The following SSBP1 variants were observed in gnomAD, a reference collection of about 807,000 sequenced individuals.
SSBP1 encodes the protein single-stranded DNA-binding protein, mitochondrial.
In SSBP1, 20 loss-of-function variants were observed where a neutral mutation model predicts 27.0. That is an observed-to-expected ratio of 0.74 (90% confidence interval 0.52 to 1.08). SSBP1 has a LOEUF of 1.08. SSBP1 is among the 50% of genes least tolerant of loss of function. The pLI, the probability that SSBP1 is intolerant of heterozygous loss-of-function variation, is 0.00. For synonymous variants in SSBP1, 59 were observed against 59.3 expected (o/e 1.00, Z 0.02); for missense variants, 137 against 182.4 (o/e 0.75, Z 1.44).
chr7:141,739,345 C>T (rs944582122), intron 2 of SSBP1, 155 bp downstream of exon 2: 22 of 508,954 alleles, frequency 4.3e-5, no homozygotes, highest in Middle Eastern at 5.8e-4. Flanking sequence ...GACGATTTTG[C>T]CAGTGTAAAT....
Position 141,739,156 on chromosome 7 carries a change from A to G in SSBP1, c.-11A>G, listed in dbSNP as rs372813382. The G allele has an allele frequency of 7.3e-5, 116 of 1,595,076 alleles. No individual in the cohort carries two copies. The African/African-American group carries it at 1.4e-3, about 19-fold the overall frequency. On this transcript the variant is annotated 5_prime_UTR_variant, in exon 2 of 7. Transcript: ENST00000265304. Reference sequence around the variant, plus strand: ...CTAAAGATTAGACTGTAAGAAAAGAAAATAGAAGCCATGTTTCGAAGACCT... The same window carrying G: ...CTAAAGATTAGACTGTAAGAAAAGAGAATAGAAGCCATGTTTCGAAGACCT...
intron 6 of SSBP1, among the ~76,000 whole-genome samples, chr7:141,748,845 C>T (rs2117197028): frequency 6.6e-6 from 1 of 152,254 alleles, no homozygotes; most frequent in African/African-American, 2.4e-5. Context: ...AAAACCACCA[C>T]CAGTGGATGG....
intron 6 of SSBP1, among the ~76,000 whole-genome samples, chr7:141,750,084 A>G (rs913719231): frequency 7.2e-5 from 11 of 152,220 alleles, no homozygotes; most frequent in African/African-American, 2.7e-4. Context: ...CACCTCTTCT[A>G]ACAAGATCTG....
At chr7:141,740,959 T>C (rs1294587651) in intron 2 of SSBP1, 1 of 152,226 alleles carries the variant, frequency 6.6e-6, no homozygotes, top group Non-Finnish European at 1.5e-5. Context: ...GAAGGCAGTT[T>C]CATAGACACA....
chr7:141,742,631 ATCTT>A (rs1198315501), intron 3 of SSBP1, among the ~76,000 whole-genome samples: 24 of 151,460 alleles, frequency 1.6e-4, no homozygotes, highest in Admixed American at 4.6e-4. Flanking sequence ...TAAAAAAGAT[ATCTT>A]AAAGAATTTA....
intron 3 of SSBP1, among the ~76,000 whole-genome samples, chr7:141,742,863 C>CTT (rs112265951): frequency 1.3e-5 from 2 of 151,598 alleles, no homozygotes; most frequent in Non-Finnish European, 2.9e-5. Flanking sequence ...GTGTGGATTT[C>CTT]TTTTTTTTTG....
rs112531738 is a variant in SSBP1, at chr7:141,741,476, A to G, written c.25-693A>G. On this transcript the variant is annotated intron_variant, in intron 2 of 6. Transcript: ENST00000265304. ...TGCCTGAGAGTAAGGCTTTGCATTT[A>G]TTCCACACCTCCTGACACTTGTTTG... The G allele has an allele frequency of 9.3e-3, 1,412 of 152,318 alleles. 20 individuals carry two copies. Among genetic ancestry groups the G allele is most frequent in the Non-Finnish European group, 0.012 (848 of 68,054 alleles). 9.4% of individuals were successfully genotyped at this position (152,318 alleles called of 1,614,324 possible).
chr7:141,742,452 A>G (rs1000379940), intron 3 of SSBP1, among the ~76,000 whole-genome samples: 1 of 152,154 alleles, frequency 6.6e-6, no homozygotes, highest in African/African-American at 2.4e-5. Flanking sequence ...TCTTGTCAAC[A>G]CTGTCCTGCA....
intron 6 of SSBP1, among the ~76,000 whole-genome samples, chr7:141,747,007 A>G (rs1296702187): frequency 1.3e-5 from 2 of 152,136 alleles, no homozygotes; most frequent in Non-Finnish European, 2.9e-5. Flanking sequence ...AGTATATGGT[A>G]TAGTTAAGAA....
In SSBP1 at chr7:141,745,597, T is replaced by C. The variant is rs1314887246; in HGVS notation, c.403+13T>C. On this transcript the variant is annotated intron_variant, in intron 6 of 6. Coordinates refer to ENST00000265304, the MANE Select transcript of SSBP1 (RefSeq NM_003143.3). ...ACAATCATAGCTGGTAAGAAGCTTGTGAAAATAGCTGTTTTTTTCTTTTTC... is the reference window on the plus strand; with the variant it reads ...ACAATCATAGCTGGTAAGAAGCTTGCGAAAATAGCTGTTTTTTTCTTTTTC... 1 of 1,612,810 alleles carries C rather than the reference T, an allele frequency of 6.2e-7. No individual in the cohort carries two copies. The highest frequency in any genetic ancestry group is 1.3e-5 in the African/African-American group (1 of 74,932).
intron 5 of SSBP1, 107 bp from the exon 6 acceptor site, chr7:141,745,389 T>G: frequency 1.1e-6 from 1 of 922,756 alleles, no homozygotes. Context: ...TTAGCTTATA[T>G]ATGATTATAT....
intron 6 of SSBP1, chr7:141,745,944 C>G: frequency 9.9e-7 from 1 of 1,014,038 alleles, no homozygotes. Context: ...AAGAATTACA[C>G]TAATGTGAGT....
chr7:141,745,469 A>G, intron 5 of SSBP1, 27 bp from the exon 6 acceptor site: 2 of 1,566,670 alleles, frequency 1.3e-6, no homozygotes, highest in Non-Finnish European at 1.7e-6. Flanking sequence ...GATCTCAACT[A>G]AAAACTGTAC....
At position 141,750,298 on chromosome 7, in the gene SSBP1, G is replaced by T. The variant is rs754071066; in HGVS notation, c.404-13G>T. On this transcript the variant is annotated splice_polypyrimidine_tract_variant and intron_variant, in intron 6 of 6. Coordinates refer to ENST00000265304, the MANE Select transcript of SSBP1 (RefSeq NM_003143.3). The stretch of plus-strand genomic sequence containing the variant: ...GTTCTGAAATTAATATTTACATTTT[G>T]GCTTTTTTACAGATAATATTATATT... 2 of 1,567,810 alleles carry T rather than the reference G, an allele frequency of 1.3e-6. No homozygotes were observed. The highest frequency in any genetic ancestry group is 1.7e-6 in the Non-Finnish European group (2 of 1,147,322).
chr7:141,744,084 C>G (rs1276547005), intron 5 of SSBP1, 95 bp downstream of exon 5: 7 of 996,212 alleles, frequency 7.0e-6, no homozygotes, highest in Non-Finnish European at 8.9e-6. Flanking sequence ...TCTTAAATCC[C>G]TGAGTACTAC....
At position 141,739,107 on chromosome 7, in the gene SSBP1, T is replaced by C; in HGVS notation, c.-43-17T>C. On this transcript the variant is annotated splice_polypyrimidine_tract_variant and intron_variant, in intron 1 of 6. Coordinates refer to ENST00000265304, the MANE Select transcript of SSBP1 (RefSeq NM_003143.3). Reference sequence around the variant, plus strand: ...TAAGAGGTAATGTTTTTTTCTTATTTTGTTTTTTTCCTTCAGGAAAAGCCT... The same window carrying C: ...TAAGAGGTAATGTTTTTTTCTTATTCTGTTTTTTTCCTTCAGGAAAAGCCT... The C allele has an allele frequency of 6.7e-7, 1 of 1,486,278 alleles. No homozygotes were observed. The highest frequency in any genetic ancestry group is 1.3e-5 in the South Asian group (1 of 78,934). The allele number at this position is 1,486,278 out of a possible 1,614,324, so 92.1% of individuals were successfully genotyped here.
In SSBP1 at chr7:141,743,511, T is replaced by C. The variant is rs766471327; in HGVS notation, c.86-50T>C. The C allele has an allele frequency of 1.1e-5, 17 of 1,594,784 alleles. No individual in the cohort carries two copies. In the South Asian group the frequency reaches 1.9e-4, roughly 18 times the overall value. ...CAAATTTTGGGGGAAGGGGCACAACTATTCAGTCTATAGCAGGTTGTCTCA... is the reference window on the plus strand; with the variant it reads ...CAAATTTTGGGGGAAGGGGCACAACCATTCAGTCTATAGCAGGTTGTCTCA... On this transcript the variant is annotated intron_variant, in intron 3 of 6. Transcript: ENST00000265304.
intron 6 of SSBP1, among the ~76,000 whole-genome samples, chr7:141,747,464 A>ACTGCAACCTTCGCCTCC (rs1216146853): frequency 1.4e-5 from 2 of 138,304 alleles, no homozygotes; most frequent in African/African-American, 5.5e-5. Context: ...ATCCTGGCTC[A>ACTGCAACCTTCGCCTCC]CTGCAACCTT....
At chr7:141,744,015 T>G (rs769719345) in intron 5 of SSBP1, 26 bp downstream of exon 5, 200 of 1,589,162 alleles carry the variant, frequency 1.3e-4, no homozygotes, top group Middle Eastern at 5.0e-4. Context: ...AAGGATCTTA[T>G]GAATTGAATG....
Sources: gnomAD v4.1 joint callset for allele counts (sites outside exome capture counted in the v4.1 genomes callset) on GRCh38, gnomAD v4.1.1 for gene constraint, MANE v1.5 for transcripts, NCBI Gene and HGNC (gene_info 2026-07-23, HGNC 2026-07-21) for gene names.